CCDC33: variants seen among roughly 807,000 people sequenced by gnomAD.
The protein encoded by CCDC33 is coiled-coil domain-containing protein 33.
Under a neutral mutation model 91.9 loss-of-function variants are expected in CCDC33, and 94 were observed. That is an observed-to-expected ratio of 1.02 (90% CI 0.87 to 1.21). The LOEUF (loss-of-function observed/expected upper bound fraction) is 1.21, where lower values mean the gene tolerates loss of function less well. Among genes scored for constraint, CCDC33 ranks in the 50% most tolerant of loss-of-function variants. The probability of loss-of-function intolerance (pLI) is 0.00; values close to 1 mark genes in which losing one functional copy is unlikely to be tolerated. For missense variants in CCDC33, 940 were observed against 935.5 expected, an observed-to-expected ratio of 1.00 and a Z score of -0.06; for synonymous variants, 396 against 374.5, an observed-to-expected ratio of 1.06 and a Z score of -0.66.
At chr15:74,333,522 G>A (rs2060487104) in intron 16 of CCDC33, among the ~76,000 whole-genome samples, 1 of 152,210 alleles carries the variant, frequency 6.6e-6, no homozygotes, top group African/African-American at 2.4e-5. Context: ...CTGACTCATG[G>A]ACATCCAGGT....
intron 12 of CCDC33, 27 bp downstream of exon 12, chr15:74,330,381 A>G: frequency 1.3e-6 from 2 of 1,536,382 alleles, no homozygotes; most frequent in Non-Finnish European, 1.8e-6. Flanking sequence ...CACCAAGGGC[A>G]CCCGGGCTTC....
At chr15:74,209,526 G>T (rs1283123473) in exon 2 of CCDC33, 1 of 1,273,188 alleles carries the variant, frequency 7.9e-7, no homozygotes, top group Non-Finnish European at 1.1e-6. Context: ...TTCAGGGCTG[G>T]AATTCCAGGT....
chr15:74,313,822 C>T (rs2060039130), intron 11 of CCDC33, among the ~76,000 whole-genome samples: 1 of 152,146 alleles, frequency 6.6e-6, no homozygotes, highest in Middle Eastern at 3.2e-3. Flanking sequence ...GGGTCACAAG[C>T]ATGCTTGGTG....
chr15:74,333,080 T>A, intron 16 of CCDC33: 1 of 784,950 alleles, frequency 1.3e-6, no homozygotes, highest in Non-Finnish European at 2.1e-6. Context: ...AGCAAGCCCC[T>A]TGTTGACCCT....
intron 11 of CCDC33, among the ~76,000 whole-genome samples, chr15:74,325,318 T>C (rs1319006465): frequency 6.6e-6 from 1 of 152,042 alleles, no homozygotes; most frequent in Non-Finnish European, 1.5e-5. Context: ...ACTTTGTTCC[T>C]GATCATACAC....
chr15:74,279,050 G>C (rs953964538), intron 7 of CCDC33, among the ~76,000 whole-genome samples: 1 of 152,228 alleles, frequency 6.6e-6, no homozygotes, highest in Admixed American at 6.5e-5. Flanking sequence ...CCAGCCATGG[G>C]TGTGAACACA....
chr15:74,242,518 C>A (rs1043327630), intron 1 of CCDC33, among the ~76,000 whole-genome samples: 1 of 152,226 alleles, frequency 6.6e-6, no homozygotes, highest in African/African-American at 2.4e-5. Flanking sequence ...TGAGGAACAG[C>A]CTGCCAGTGG....
At chr15:74,292,368 G>A (rs1219709564) in intron 10 of CCDC33, among the ~76,000 whole-genome samples, 1 of 152,180 alleles carries the variant, frequency 6.6e-6, no homozygotes, top group African/African-American at 2.4e-5. Flanking sequence ...CCTTCCTTGA[G>A]AAGCAAGGGG....
At chr15:74,291,996 G>A (rs1393420048) in intron 10 of CCDC33, among the ~76,000 whole-genome samples, 2 of 152,272 alleles carry the variant, frequency 1.3e-5, no homozygotes, top group African/African-American at 2.4e-5. Flanking sequence ...GCGTGGCCAT[G>A]CATCTCTTTG....
At chr15:74,307,486 G>A (rs1473906509) in intron 11 of CCDC33, among the ~76,000 whole-genome samples, 2 of 151,998 alleles carry the variant, frequency 1.3e-5, no homozygotes, top group Non-Finnish European at 2.9e-5. Context: ...AGACCGAGGG[G>A]GAGTCTTGGT....
At chr15:74,225,378 A>G (rs1238922029) in intron 2 of CCDC33, among the ~76,000 whole-genome samples, 2 of 151,988 alleles carry the variant, frequency 1.3e-5, no homozygotes, top group Non-Finnish European at 2.9e-5. Flanking sequence ...ACACCCATGG[A>G]AAGCGGATGT....
At chr15:74,320,562 A>G (rs890718869) in intron 11 of CCDC33, among the ~76,000 whole-genome samples, 6 of 152,104 alleles carry the variant, frequency 3.9e-5, no homozygotes, top group Non-Finnish European at 8.8e-5. Flanking sequence ...GCTGGGGAGC[A>G]GGTGGAAGGG....
At chr15:74,243,678 CA>C in intron 1 of CCDC33, 1 of 471,718 alleles carries the variant, frequency 2.1e-6, no homozygotes, top group Non-Finnish European at 4.2e-6. Context: ...CACTCAGGGC[CA>C]GGTGCAGTAA....
intron 13 of CCDC33, 84 bp from the exon 14 acceptor site, chr15:74,330,897 C>A: frequency 6.5e-7 from 1 of 1,529,146 alleles, no homozygotes; most frequent in Non-Finnish European, 8.9e-7. Flanking sequence ...GAGGATTCAG[C>A]AGAGGGGCCG....
At chr15:74,222,040 C>T (rs75641253) in intron 2 of CCDC33, among the ~76,000 whole-genome samples, 23 of 152,218 alleles carry the variant, frequency 1.5e-4, no homozygotes, top group Middle Eastern at 3.4e-3. Context: ...AACCCAAAGC[C>T]GGCAAAAAGG....
At chr15:74,321,378 C>T (rs1223808475) in intron 11 of CCDC33, among the ~76,000 whole-genome samples, 1 of 151,518 alleles carries the variant, frequency 6.6e-6, no homozygotes, top group Non-Finnish European at 1.5e-5. Context: ...GATTCTCCCA[C>T]CTCATCCTCC....
intron 2 of CCDC33, among the ~76,000 whole-genome samples, chr15:74,228,520 G>A (rs2074869212): frequency 6.6e-6 from 1 of 152,226 alleles, no homozygotes; most frequent in Admixed American, 6.5e-5. Flanking sequence ...GAGAGACTGT[G>A]GCTTCTTTGG....
At chr15:74,290,573 C>T (rs1053356063) in intron 10 of CCDC33, among the ~76,000 whole-genome samples, 1 of 152,188 alleles carries the variant, frequency 6.6e-6, no homozygotes, top group South Asian at 2.1e-4. Context: ...CACAGAAAGG[C>T]ATGGTTTGAG....
intron 15 of CCDC33, among the ~76,000 whole-genome samples, chr15:74,332,091 C>T (rs2060451107): frequency 6.6e-6 from 1 of 152,098 alleles, no homozygotes; most frequent in Non-Finnish European, 1.5e-5. Flanking sequence ...AACCAAAAGC[C>T]ACCTAAAACT....
Sources: allele counts gnomAD v4.1 joint callset (sites outside exome capture counted in the v4.1 genomes callset), GRCh38; gene constraint gnomAD v4.1.1; transcripts MANE v1.5; gene names NCBI Gene and HGNC (gene_info 2026-07-23, HGNC 2026-07-21).